L3MBTL4: variants seen among roughly 807,000 people sequenced by gnomAD.
The protein encoded by L3MBTL4 is lethal(3)malignant brain tumor-like protein 4.
In L3MBTL4, 70 loss-of-function variants were observed where a neutral mutation model predicts 84.5. That is an observed-to-expected ratio of 0.83 (90% CI 0.68 to 1.01). The LOEUF (loss-of-function observed/expected upper bound fraction) is 1.01, where lower values mean the gene tolerates loss of function less well. L3MBTL4 is among the 50% of genes least tolerant of loss of function. The pLI, the probability that L3MBTL4 is intolerant of heterozygous loss-of-function variation, is 0.00. For synonymous variants in L3MBTL4, 274 were observed against 259.8 expected, an observed-to-expected ratio of 1.05 and a Z score of -0.52; for missense variants, 715 against 754.8, an observed-to-expected ratio of 0.95 and a Z score of 0.62.
At chr18:6,318,824 T>G (rs2051257955) in intron 1 of L3MBTL4, among the ~76,000 whole-genome samples, 1 of 152,102 alleles carries the variant, frequency 6.6e-6, no homozygotes, top group Non-Finnish European at 1.5e-5. Context: ...AACTGCAGAA[T>G]ATACATTCTT....
At chr18:6,188,993 T>C (rs528696069) in intron 12 of L3MBTL4, among the ~76,000 whole-genome samples, 1 of 152,300 alleles carries the variant, frequency 6.6e-6, no homozygotes, top group East Asian at 1.9e-4. Flanking sequence ...ACCACAAACT[T>C]GGTGTCTTCA....
intron 4 of L3MBTL4, among the ~76,000 whole-genome samples, chr18:6,284,380 C>G (rs1199800789): frequency 6.6e-6 from 1 of 152,182 alleles, no homozygotes; most frequent in African/African-American, 2.4e-5. Context: ...CCCACCCGGG[C>G]GTCGAGACTC....
At chr18:5,958,118 GA>G (rs2095241537) in intron 18 of L3MBTL4, among the ~76,000 whole-genome samples, 1 of 64,814 alleles carries the variant, frequency 1.5e-5, no homozygotes, top group Non-Finnish European at 3.3e-5. Context: ...AGAAGAAGAA[GA>G]AGAAGAAGAA....
chr18:6,263,424 A>G (rs916458687), intron 5 of L3MBTL4, among the ~76,000 whole-genome samples: 1 of 152,134 alleles, frequency 6.6e-6, no homozygotes, highest in Non-Finnish European at 1.5e-5. Context: ...TAAGGCCCAG[A>G]TGGTCAAGGA....
chr18:6,054,076 G>T (rs1002575752), intron 16 of L3MBTL4, among the ~76,000 whole-genome samples: 2 of 152,076 alleles, frequency 1.3e-5, no homozygotes, highest in Non-Finnish European at 2.9e-5. Flanking sequence ...GGCTCTCAAT[G>T]CTTTTGTGTG....
At chr18:6,064,374 G>A (rs56394256) in intron 16 of L3MBTL4, among the ~76,000 whole-genome samples, 3,666 of 152,008 alleles carry the variant, frequency 0.024, 131 homozygotes, top group African/African-American at 0.084. Context: ...TTTTAGAATG[G>A]GTTTTTCTAG....
chr18:6,282,414 A>C (rs986278903), intron 4 of L3MBTL4, among the ~76,000 whole-genome samples: 6 of 152,152 alleles, frequency 3.9e-5, no homozygotes, highest in African/African-American at 1.4e-4. Context: ...TTTTAGCAAC[A>C]CATGTACCTA....
At chr18:6,153,190 T>C (rs956552004) in intron 13 of L3MBTL4, among the ~76,000 whole-genome samples, 2 of 152,226 alleles carry the variant, frequency 1.3e-5, no homozygotes, top group African/African-American at 4.8e-5. Flanking sequence ...TCTTCTTTCT[T>C]AAAACTGCTC....
chr18:6,063,400 T>A (rs2057300055), intron 16 of L3MBTL4, among the ~76,000 whole-genome samples: 1 of 151,644 alleles, frequency 6.6e-6, no homozygotes, highest in Non-Finnish European at 1.5e-5. Context: ...AATTGCTGGA[T>A]CAAATGGTAG....
chr18:6,368,833 G>A (rs1342513890), intron 1 of L3MBTL4, among the ~76,000 whole-genome samples: 3 of 152,120 alleles, frequency 2.0e-5, no homozygotes, highest in Admixed American at 2.0e-4. Flanking sequence ...CTTGAGGTCA[G>A]GAGTTTGAGA....
At chr18:6,155,104 G>A (rs2036556446) in intron 13 of L3MBTL4, among the ~76,000 whole-genome samples, 1 of 152,134 alleles carries the variant, frequency 6.6e-6, no homozygotes, top group African/African-American at 2.4e-5. Flanking sequence ...ATAGCAACAA[G>A]GAGAATGTGG....
intron 1 of L3MBTL4, among the ~76,000 whole-genome samples, chr18:6,318,187 A>G (rs117760570): frequency 0.011 from 1,662 of 152,186 alleles, 10 homozygotes; most frequent in Non-Finnish European, 0.015. Context: ...CTATAAAACA[A>G]TAACACAATA....
chr18:6,011,742 C>G (rs1020767872), intron 16 of L3MBTL4, among the ~76,000 whole-genome samples: 1 of 152,182 alleles, frequency 6.6e-6, no homozygotes, highest in Non-Finnish European at 1.5e-5. Flanking sequence ...AAAGGAAACA[C>G]GGTGGCTTTT....
At chr18:6,071,486 G>A (rs1038354861) in intron 16 of L3MBTL4, among the ~76,000 whole-genome samples, 1 of 149,902 alleles carries the variant, frequency 6.7e-6, no homozygotes, top group East Asian at 2.0e-4. Context: ...AGAGACTCCT[G>A]TTGACTGGGT....
chr18:6,056,966 T>G (rs2057047261), intron 16 of L3MBTL4, among the ~76,000 whole-genome samples: 1 of 152,172 alleles, frequency 6.6e-6, no homozygotes, highest in African/African-American at 2.4e-5. Flanking sequence ...ATTACTATCA[T>G]AGTGAACATA....
rs537568453 is a variant in L3MBTL4 at position 6,214,608 on chromosome 18, G to A, written c.870+1142C>T. ...GCAATATCTGGTGTGTTTCTCTCCA[G>A]CTTTTGTAGAAACACATTTTCTTTG... On this transcript the variant is annotated intron_variant, in intron 11 of 18. Transcript: ENST00000317931. Among the ~76,000 whole-genome samples, 14 of 152,288 alleles carry A rather than the reference G, an allele frequency of 9.2e-5. No homozygotes were observed. In the South Asian group the frequency reaches 2.7e-3, roughly 29 times the overall value.
intron 12 of L3MBTL4, among the ~76,000 whole-genome samples, chr18:6,193,182 G>A (rs2045206421): frequency 6.6e-6 from 1 of 152,074 alleles, no homozygotes. Context: ...AGAAGGGCAA[G>A]GGACTGAGAA....
At chr18:6,343,100 C>T (rs1401568703) in intron 1 of L3MBTL4, among the ~76,000 whole-genome samples, 1 of 152,072 alleles carries the variant, frequency 6.6e-6, no homozygotes, top group Non-Finnish European at 1.5e-5. Context: ...ATTAACAGAA[C>T]TGAAGGGACT....
In L3MBTL4 at chr18:6,268,355, C is replaced by T. The variant is rs546681253; in HGVS notation, c.128-4317G>A. Reference sequence around the variant, plus strand: ...CCGGGAGGCAGAGATTGCAATGAGCCGAGATGGCGCCATTGCACTCCAGCC... The same window carrying T: ...CCGGGAGGCAGAGATTGCAATGAGCTGAGATGGCGCCATTGCACTCCAGCC... On this transcript the variant is annotated intron_variant, in intron 4 of 18. Transcript: ENST00000317931. Among the ~76,000 whole-genome samples the T allele has an allele frequency of 2.4e-4, 36 of 152,044 alleles. 1 individual carries two copies. In the South Asian group the frequency reaches 5.8e-3, roughly 25 times the overall value.
Sources: gnomAD v4.1 joint callset for allele counts (sites outside exome capture counted in the v4.1 genomes callset) on GRCh38, gnomAD v4.1.1 for gene constraint, MANE v1.5 for transcripts, NCBI Gene and HGNC (gene_info 2026-07-23, HGNC 2026-07-21) for gene names.